Variants in FBXL17 observed in about 807,000 individuals in gnomAD.
FBXL17 encodes F-box/LRR-repeat protein 17.
FBXL17 carries 22 observed loss-of-function variants against 66.2 expected under a neutral mutation model. The observed-to-expected ratio is 0.33, with a 90% confidence interval of 0.24 to 0.47. The LOEUF (loss-of-function observed/expected upper bound fraction) is 0.47. Ranked by LOEUF, FBXL17 falls within the 20% of genes least tolerant of loss-of-function variation. FBXL17 has a pLI of 1.00. For synonymous variants in FBXL17, 474 were observed against 400.5 expected (o/e 1.18, Z -2.19); for missense variants, 878 against 948.2 (o/e 0.93, Z 0.97).
At chr5:108,281,603 T>C (rs1757704098) in intron 4 of FBXL17, among the ~76,000 whole-genome samples, 2 of 151,662 alleles carry the variant, frequency 1.3e-5, no homozygotes, top group African/African-American at 2.4e-5. Context: ...AAATTGCCAG[T>C]ATAACAATAC....
rs535622162 is a variant in FBXL17, at chr5:108,059,811, A to G, written c.1746-38810T>C. 1.4e-4 allele frequency among the ~76,000 whole-genome samples: 21 copies of G among 152,264 alleles called. No homozygotes were observed. The East Asian group carries it at 3.5e-3, about 25-fold the overall frequency. On this transcript the variant is annotated intron_variant, in intron 6 of 8. Coordinates refer to ENST00000542267, the MANE Select transcript of FBXL17 (RefSeq NM_001163315.3). ...AACTACTGTATTAACAGGCATTTAC[A>G]ACACTCGGGAGTATTTCTAAATTTT...
chr5:108,302,541 A>C (rs534005741), intron 4 of FBXL17, among the ~76,000 whole-genome samples: 4 of 151,934 alleles, frequency 2.6e-5, no homozygotes, highest in East Asian at 3.9e-4. Context: ...TAATTCTACA[A>C]ACAAAGACTG....
chr5:108,091,441 C>T (rs577364127), intron 6 of FBXL17, among the ~76,000 whole-genome samples: 48 of 152,164 alleles, frequency 3.2e-4, no homozygotes, highest in Admixed American at 3.9e-4. Flanking sequence ...GTGTTGTGCA[C>T]GCACTTTGAT....
At chr5:108,367,329 A>C (rs947019138) in intron 2 of FBXL17, among the ~76,000 whole-genome samples, 4 of 152,030 alleles carry the variant, frequency 2.6e-5, no homozygotes, top group Non-Finnish European at 5.9e-5. Context: ...ACCAAAAGAA[A>C]AGTTAAAGAA....
At chr5:108,138,566 G>A (rs976059413) in intron 6 of FBXL17, among the ~76,000 whole-genome samples, 2 of 152,192 alleles carry the variant, frequency 1.3e-5, no homozygotes, top group African/African-American at 4.8e-5. Context: ...TTGCCGGTGG[G>A]AAGAGGGGAC....
chr5:108,182,060 C>T (rs1753025850), intron 6 of FBXL17, among the ~76,000 whole-genome samples: 1 of 152,136 alleles, frequency 6.6e-6, no homozygotes, highest in African/African-American at 2.4e-5. Flanking sequence ...ATAAAGGTTA[C>T]TTTCGTCCCC....
intron 7 of FBXL17, among the ~76,000 whole-genome samples, chr5:108,008,214 C>T (rs1754012536): frequency 6.6e-6 from 1 of 152,162 alleles, no homozygotes; most frequent in African/African-American, 2.4e-5. Context: ...ATCCCTGTTT[C>T]TAGCGCTTAA....
At position 108,139,013 on chromosome 5, in the gene FBXL17, A is replaced by G. The variant is rs544472917; in HGVS notation, c.1745+47104T>C. Reference sequence around the variant, plus strand: ...TGCAAGATAATCATTTATCAGGAGTAATCTTGTATTCATATGTGGCCAACT... The same window carrying G: ...TGCAAGATAATCATTTATCAGGAGTGATCTTGTATTCATATGTGGCCAACT... On this transcript the variant is annotated intron_variant, in intron 6 of 8. Transcript: ENST00000542267. Among the ~76,000 whole-genome samples, 3 of 152,378 alleles carry G rather than the reference A, an allele frequency of 2.0e-5. No individual in the cohort carries two copies. The South Asian group carries it at 6.2e-4, about 32-fold the overall frequency.
At chr5:107,937,306 T>C (rs758974227) in intron 7 of FBXL17, among the ~76,000 whole-genome samples, 1 of 152,092 alleles carries the variant, frequency 6.6e-6, no homozygotes, top group Non-Finnish European at 1.5e-5. Flanking sequence ...TCTTATTCAA[T>C]CTATTGTGTG....
At chr5:108,113,203 G>C (rs1264457672) in intron 6 of FBXL17, among the ~76,000 whole-genome samples, 1 of 152,116 alleles carries the variant, frequency 6.6e-6, no homozygotes, top group Non-Finnish European at 1.5e-5. Flanking sequence ...TCCCATCTGA[G>C]CTCTGCCTCT....
In FBXL17 at chr5:108,224,114, T is replaced by A. The variant is rs781356562; in HGVS notation, c.1614+7A>T. 2.0e-6 allele frequency: 3 copies of A among 1,491,588 alleles called. No individual in the cohort carries two copies. The highest frequency in any genetic ancestry group is 2.3e-5 in the South Asian group (2 of 86,222). The allele number at this position is 1,491,588 out of a possible 1,614,324, so 92.4% of individuals were successfully genotyped here. A position where few individuals can be genotyped will look rare whatever the true frequency, so the allele number is the denominator to read the frequency against. Reference sequence around the variant, plus strand: ...AAATACCAAGGAAAAGCAGCCATAGTACCTACCTTGGTTAGGTGAATGACT... The same window carrying A: ...AAATACCAAGGAAAAGCAGCCATAGAACCTACCTTGGTTAGGTGAATGACT... On this transcript the variant is annotated splice_region_variant and intron_variant, in intron 5 of 8. Coordinates refer to ENST00000542267, the MANE Select transcript of FBXL17 (RefSeq NM_001163315.3).
chr5:108,294,929 T>C (rs1207292125), intron 4 of FBXL17, among the ~76,000 whole-genome samples: 1 of 152,056 alleles, frequency 6.6e-6, no homozygotes, highest in Non-Finnish European at 1.5e-5. Context: ...AAAACACCTA[T>C]GTTAGGTCTT....
At chr5:107,913,081 C>A (rs1351365953) in intron 7 of FBXL17, among the ~76,000 whole-genome samples, 1 of 151,806 alleles carries the variant, frequency 6.6e-6, no homozygotes, top group Non-Finnish European at 1.5e-5. Context: ...TTTATCTTAA[C>A]AATGATTAGC....
At chr5:108,204,353 G>A (rs1425467889) in intron 5 of FBXL17, among the ~76,000 whole-genome samples, 1 of 151,868 alleles carries the variant, frequency 6.6e-6, no homozygotes, top group African/African-American at 2.4e-5. Flanking sequence ...ACCAAACCCA[G>A]CTAATTTTTT....
intron 4 of FBXL17, among the ~76,000 whole-genome samples, chr5:108,232,782 CATATATATAT>C (rs34650348): frequency 9.0e-5 from 7 of 78,170 alleles, no homozygotes; most frequent in Admixed American, 3.8e-4. Context: ...TAAGCTCTCA[CATATATATAT>C]ATATATATAT....
At chr5:108,000,837 G>T (rs1219075613) in intron 7 of FBXL17, among the ~76,000 whole-genome samples, 1 of 152,114 alleles carries the variant, frequency 6.6e-6, no homozygotes, top group Non-Finnish European at 1.5e-5. Flanking sequence ...CATTTAAAAA[G>T]ATCTTGCAAA....
chr5:108,166,560 CAGAT>C (rs1403918815), intron 6 of FBXL17, among the ~76,000 whole-genome samples: 3 of 152,024 alleles, frequency 2.0e-5, no homozygotes, highest in Admixed American at 6.6e-5. Flanking sequence ...TTTTGAACAT[CAGAT>C]AGAGTGTGAT....
At chr5:108,015,528 G>A (rs1223297358) in intron 7 of FBXL17, among the ~76,000 whole-genome samples, 1 of 152,026 alleles carries the variant, frequency 6.6e-6, no homozygotes, top group East Asian at 1.9e-4. Context: ...TTTAAAATGG[G>A]AGATCATTAC....
intron 4 of FBXL17, among the ~76,000 whole-genome samples, chr5:108,307,340 C>T (rs1038298689): frequency 5.3e-5 from 8 of 151,848 alleles, no homozygotes; most frequent in Non-Finnish European, 1.2e-4. Context: ...GGTCTCACTC[C>T]GTCACCCAGG....
Sources: allele counts gnomAD v4.1 joint callset (sites outside exome capture counted in the v4.1 genomes callset), GRCh38; gene constraint gnomAD v4.1.1; transcripts MANE v1.5; gene names NCBI Gene and HGNC (gene_info 2026-07-23, HGNC 2026-07-21).